NTN1: variants seen among roughly 807,000 people sequenced by gnomAD.
NTN1 encodes netrin-1.
Under a neutral mutation model 54.2 loss-of-function variants are expected in NTN1, and 11 were observed. The ratio of observed to expected loss-of-function variants is 0.20; its 90% CI spans 0.13 to 0.34. The LOEUF (loss-of-function observed/expected upper bound fraction) is 0.34. NTN1 is among the 10% of genes least tolerant of loss of function. The pLI is 1.00. For synonymous variants in NTN1, 371 were observed against 382.0 expected (o/e 0.97, Z 0.33); for missense variants, 740 against 893.1 (o/e 0.83, Z 2.18).
rs566509188 is a variant in NTN1 at position 9,185,327 on chromosome 17, G to A, written c.1411+2358G>A. ...GGGAAGCGGGGCCCGGGAGCTCAGC[G>A]CTCTCAAACCTGTCCACTCTTGCCG... On this transcript the variant is annotated intron_variant, in intron 5 of 6. Coordinates refer to ENST00000173229, the MANE Select transcript of NTN1 (RefSeq NM_004822.3). Among the ~76,000 whole-genome samples the A allele has an allele frequency of 2.0e-4, 31 of 152,174 alleles. No homozygotes were observed. In the South Asian group the frequency reaches 3.3e-3, roughly 16 times the overall value.
intron 2 of NTN1, among the ~76,000 whole-genome samples, chr17:9,149,252 A>AC (rs397768689): frequency 0.39 from 57,076 of 148,052 alleles, 11,231 homozygotes; most frequent in African/African-American, 0.45. Flanking sequence ...ATTGGAAGGA[A>AC]CCCCCCCCAC....
At chr17:9,045,539 A>C (rs2091939113) in intron 2 of NTN1, among the ~76,000 whole-genome samples, 2 of 152,230 alleles carry the variant, frequency 1.3e-5, no homozygotes, top group African/African-American at 2.4e-5. Context: ...AATTCATGGA[A>C]GAAAGATGGG....
Position 9,188,397 on chromosome 17 carries a change from C to T in NTN1, c.1411+5428C>T, listed in dbSNP as rs1174781847. Among the ~76,000 whole-genome samples, 4 of 146,620 alleles carry T rather than the reference C, an allele frequency of 2.7e-5. No homozygotes were observed. In the East Asian group the frequency reaches 8.0e-4, roughly 29 times the overall value. ...GAGCTGAGATCACACCATTGGACTC[C>T]AGCCTGGGCAATAAGAGTAAAACTC... On this transcript the variant is annotated intron_variant, in intron 5 of 6. Transcript: ENST00000173229.
At chr17:9,222,272 C>T (rs1318470958) in intron 6 of NTN1, among the ~76,000 whole-genome samples, 5 of 152,244 alleles carry the variant, frequency 3.3e-5, no homozygotes, top group Non-Finnish European at 5.9e-5. Context: ...GCCCATCTTT[C>T]CTGTCCCATC....
At chr17:9,048,527 G>A (rs1439120302) in intron 2 of NTN1, among the ~76,000 whole-genome samples, 3 of 152,098 alleles carry the variant, frequency 2.0e-5, no homozygotes, top group Non-Finnish European at 4.4e-5. Context: ...TGCTGTATTA[G>A]CCCCTACATA....
intron 5 of NTN1, among the ~76,000 whole-genome samples, chr17:9,213,020 G>A (rs897070586): frequency 6.6e-6 from 1 of 152,256 alleles, no homozygotes; most frequent in African/African-American, 2.4e-5. Context: ...TACCCAAGGT[G>A]GAGGAAGAGG....
Position 9,149,865 on chromosome 17 carries a change from G to A in NTN1, c.1019-12948G>A, listed in dbSNP as rs775066488. Among the ~76,000 whole-genome samples the A allele has an allele frequency of 1.3e-3, 193 of 152,110 alleles. 2 individuals are homozygous for A. Among genetic ancestry groups the A allele is most frequent in the Non-Finnish European group, 2.1e-3 (146 of 68,004 alleles). Reference sequence around the variant, plus strand: ...GGTGGATCACTTGAGGTAGGAGTTCGAGACCAGCCTGACCAACATGGTGAA... The same window carrying A: ...GGTGGATCACTTGAGGTAGGAGTTCAAGACCAGCCTGACCAACATGGTGAA... On this transcript the variant is annotated intron_variant, in intron 2 of 6. Coordinates refer to ENST00000173229, the MANE Select transcript of NTN1 (RefSeq NM_004822.3).
At chr17:9,157,100 C>A (rs1011709771) in intron 2 of NTN1, among the ~76,000 whole-genome samples, 2 of 152,196 alleles carry the variant, frequency 1.3e-5, no homozygotes, top group East Asian at 3.9e-4. Context: ...TGCTTTCTGT[C>A]TCTCATTTGC....
chr17:9,005,152 C>T, the NTN1 span, among the ~76,000 whole-genome samples: 2 of 152,304 alleles, frequency 1.3e-5, no homozygotes, highest in East Asian at 3.9e-4. Flanking sequence ...CTCCTGGGAG[C>T]TTTAGCGACT....
intron 2 of NTN1, among the ~76,000 whole-genome samples, chr17:9,068,742 A>C (rs2092023593): frequency 6.6e-6 from 1 of 152,140 alleles, no homozygotes; most frequent in African/African-American, 2.4e-5. Flanking sequence ...TCCTGACCTT[A>C]GATGATCCGC....
chr17:9,180,718 C>T (rs1280449363), intron 4 of NTN1, among the ~76,000 whole-genome samples: 1 of 152,212 alleles, frequency 6.6e-6, no homozygotes, highest in East Asian at 1.9e-4. Flanking sequence ...ATGCACGGCA[C>T]CTGTGTCCCT....
At chr17:9,217,675 C>T (rs1361441844) in intron 5 of NTN1, among the ~76,000 whole-genome samples, 1 of 151,704 alleles carries the variant, frequency 6.6e-6, no homozygotes, top group Non-Finnish European at 1.5e-5. Flanking sequence ...GAAGGTTATT[C>T]ACTTTACCTA....
chr17:9,221,257 C>T lies in NTN1; in HGVS notation c.1486+15C>T. ...GAAGGACTATGGTGAGTGAGAGTCC[C>T]CTTGTCTGGGGAGGATGGGAGGGGG... On this transcript the variant is annotated intron_variant, in intron 6 of 6. Coordinates refer to ENST00000173229, the MANE Select transcript of NTN1 (RefSeq NM_004822.3). The surrounding 1 kb of genome is among the most constrained non-coding windows in gnomAD (Gnocchi z 4.5). The T allele has an allele frequency of 6.2e-7, 1 of 1,604,138 alleles. No homozygotes were observed. Among genetic ancestry groups the T allele is most frequent in the South Asian group, 1.1e-5 (1 of 90,822 alleles).
intron 6 of NTN1, among the ~76,000 whole-genome samples, chr17:9,238,274 A>G (rs546120084): frequency 3.3e-5 from 5 of 152,202 alleles, no homozygotes; most frequent in Non-Finnish European, 5.9e-5. Flanking sequence ...GAAGCCACAG[A>G]GCTTGCCTGT....
At chr17:9,160,176 T>C (rs908428796) in intron 2 of NTN1, among the ~76,000 whole-genome samples, 6 of 152,170 alleles carry the variant, frequency 3.9e-5, no homozygotes, top group Non-Finnish European at 8.8e-5. Context: ...CAGTGGTGGC[T>C]CATGGCAACC....
intron 5 of NTN1, among the ~76,000 whole-genome samples, chr17:9,196,693 G>A (rs1458225931): frequency 1.3e-5 from 2 of 152,238 alleles, no homozygotes; most frequent in African/African-American, 4.8e-5. Flanking sequence ...CCTCCAGAGA[G>A]GTCAGTGCCT....
chr17:9,081,686 C>T (rs566057425), intron 2 of NTN1, among the ~76,000 whole-genome samples: 12 of 152,270 alleles, frequency 7.9e-5, no homozygotes, highest in Admixed American at 1.3e-4. Context: ...TCTTCACTCC[C>T]GGGAAGAGGA....
At chr17:9,188,523 G>T (rs1904353144) in intron 5 of NTN1, among the ~76,000 whole-genome samples, 1 of 151,660 alleles carries the variant, frequency 6.6e-6, no homozygotes, top group Non-Finnish European at 1.5e-5. Context: ...CAGAGTCCAA[G>T]GGTGAAGTGA....
At chr17:9,152,039 A>C (rs1191126917) in intron 2 of NTN1, among the ~76,000 whole-genome samples, 2 of 151,584 alleles carry the variant, frequency 1.3e-5, no homozygotes, top group African/African-American at 2.4e-5. Flanking sequence ...AAATAAGGGA[A>C]TAAAAGCTGG....
Sources: allele counts gnomAD v4.1 joint callset (sites outside exome capture counted in the v4.1 genomes callset), GRCh38; gene constraint gnomAD v4.1.1; non-coding constraint Gnocchi (gnomAD v3.1); transcripts MANE v1.5; gene names NCBI Gene and HGNC (gene_info 2026-07-23, HGNC 2026-07-21).